Variants in GRAP2 observed in about 807,000 individuals in gnomAD.
The protein encoded by GRAP2 is GRB2-related adapter protein 2.
Under a neutral mutation model 43.5 loss-of-function variants are expected in GRAP2, and 31 were observed. The observed-to-expected ratio is 0.71, with a 90% CI of 0.54 to 0.96. The LOEUF is 0.96. Ranked by LOEUF, GRAP2 falls within the 40% of genes least tolerant of loss-of-function variation. GRAP2 has a pLI of 0.00. For missense variants in GRAP2, 371 were observed against 424.4 expected (o/e 0.87, Z 1.11); for synonymous variants, 156 against 164.8 (o/e 0.95, Z 0.41).
At chr22:39,955,996 C>G (rs1243707516) in intron 3 of GRAP2, 86 bp downstream of exon 3, 2 of 747,070 alleles carry the variant, frequency 2.7e-6, no homozygotes, top group East Asian at 5.3e-5. Context: ...TCCATGGGAA[C>G]CCAAGACATT....
At chr22:39,903,028 C>T (rs1014190504) in intron 1 of GRAP2, among the ~76,000 whole-genome samples, 1 of 152,164 alleles carries the variant, frequency 6.6e-6, no homozygotes, top group African/African-American at 2.4e-5. Context: ...TTTATTGATT[C>T]CCAGATAATA....
chr22:39,900,357 C>G (rs2066485742), upstream of GRAP2, among the ~76,000 whole-genome samples: 1 of 152,182 alleles, frequency 6.6e-6, no homozygotes, highest in Non-Finnish European at 1.5e-5. Flanking sequence ...CTGAATGGTG[C>G]CACTTAGCAA....
chr22:39,959,161 G>A (rs560897709), intron 3 of GRAP2, among the ~76,000 whole-genome samples: 1 of 152,194 alleles, frequency 6.6e-6, no homozygotes, highest in Non-Finnish European at 1.5e-5. Flanking sequence ...CACTCATTTT[G>A]CTTGTCTGTG....
At chr22:39,932,388 T>C (rs541490516) in intron 1 of GRAP2, among the ~76,000 whole-genome samples, 4 of 152,088 alleles carry the variant, frequency 2.6e-5, no homozygotes, top group Admixed American at 2.6e-4. Flanking sequence ...GTCTTAATAG[T>C]TGTTAGCTAT....
intron 6 of GRAP2, among the ~76,000 whole-genome samples, chr22:39,969,088 C>T (rs2067210081): frequency 6.6e-6 from 1 of 152,208 alleles, no homozygotes; most frequent in African/African-American, 2.4e-5. Context: ...TGCATGGTTC[C>T]CCCTCTAAAT....
At chr22:39,896,468 G>A (rs981051297), upstream of GRAP2, among the ~76,000 whole-genome samples, 3 of 152,192 alleles carry the variant, frequency 2.0e-5, no homozygotes, top group African/African-American at 7.2e-5. Context: ...AGTTTGGCAG[G>A]AAAGCTGGGG....
intron 1 of GRAP2, among the ~76,000 whole-genome samples, chr22:39,911,622 G>GA (rs965820388): frequency 2.0e-5 from 3 of 152,036 alleles, no homozygotes; most frequent in African/African-American, 7.3e-5. Flanking sequence ...CCTGAGAGCA[G>GA]TTTTTTTGTT....
chr22:39,947,972 T>C (rs912174829), intron 2 of GRAP2: 3 of 152,112 alleles, frequency 2.0e-5, no homozygotes, highest in Non-Finnish European at 4.4e-5. Flanking sequence ...GATAGCCTGA[T>C]CCCTGGTCCT....
At chr22:39,900,684 C>CT (rs372849850), upstream of GRAP2, among the ~76,000 whole-genome samples, 74 of 152,196 alleles carry the variant, frequency 4.9e-4, no homozygotes, top group African/African-American at 1.7e-3. Context: ...AATGTTTCTT[C>CT]TTTTTTTGTC....
In GRAP2 at chr22:39,965,859, C is replaced by T. The variant is rs575041912; in HGVS notation, c.291-131C>T. On this transcript the variant is annotated intron_variant, in intron 4 of 7. Coordinates refer to ENST00000344138, the MANE Select transcript of GRAP2 (RefSeq NM_004810.4). ...GCCTGACTGGGCTGGCCCACCTGCC[C>T]AGTGATGAGTGAGTCATCCATATCT... is the stretch of plus-strand genomic sequence containing the variant. 3.5e-5 allele frequency: 28 copies of T among 790,626 alleles called. No individual in the cohort carries two copies. The East Asian group carries it at 6.7e-4, about 19-fold the overall frequency. The allele number at this position is 790,626 out of a possible 1,614,324, so 49.0% of individuals were successfully genotyped here.
At chr22:39,909,444 A>G (rs1338393666) in intron 1 of GRAP2, among the ~76,000 whole-genome samples, 1 of 152,222 alleles carries the variant, frequency 6.6e-6, no homozygotes, top group Non-Finnish European at 1.5e-5. Context: ...TTATTTCATA[A>G]AGTGAAGGGT....
At chr22:39,894,583 C>T in the GRAP2 span, among the ~76,000 whole-genome samples, 3 of 152,204 alleles carry the variant, frequency 2.0e-5, no homozygotes, top group South Asian at 6.2e-4. Flanking sequence ...ATTGCCACCT[C>T]AAAGGACTGA....
intron 1 of GRAP2, among the ~76,000 whole-genome samples, chr22:39,914,702 G>A (rs1229054134): frequency 6.6e-6 from 1 of 152,066 alleles, no homozygotes; most frequent in Non-Finnish European, 1.5e-5. Flanking sequence ...ATGGTGTCCT[G>A]GTTGTTTTTG....
chr22:39,956,936 C>T (rs909448189), intron 3 of GRAP2, among the ~76,000 whole-genome samples: 3 of 152,148 alleles, frequency 2.0e-5, no homozygotes, highest in African/African-American at 7.2e-5. Flanking sequence ...CCTCACCAGG[C>T]TCTCACCCTT....
intron 1 of GRAP2, among the ~76,000 whole-genome samples, chr22:39,910,440 G>C (rs950992454): frequency 6.6e-6 from 1 of 150,686 alleles, no homozygotes; most frequent in Non-Finnish European, 1.5e-5. Flanking sequence ...ACCAAGTCTC[G>C]CTCTGTCGCC....
intron 1 of GRAP2, among the ~76,000 whole-genome samples, chr22:39,919,689 C>T (rs994324044): frequency 6.6e-6 from 1 of 152,164 alleles, no homozygotes; most frequent in Non-Finnish European, 1.5e-5. Flanking sequence ...AACAGATAGC[C>T]ATAGAAGTAC....
intron 2 of GRAP2, among the ~76,000 whole-genome samples, chr22:39,950,281 C>G (rs966537769): frequency 6.6e-6 from 1 of 152,240 alleles, no homozygotes; most frequent in East Asian, 1.9e-4. Context: ...ATAAACTTCA[C>G]TCATTTCCAG....
chr22:39,934,082 A>C (rs2066783141), intron 1 of GRAP2, among the ~76,000 whole-genome samples: 2 of 152,190 alleles, frequency 1.3e-5, no homozygotes, highest in Non-Finnish European at 2.9e-5. Context: ...GCATCTCCCC[A>C]AATATGGCCC....
chr22:39,904,371 G>C (rs2066510624), intron 1 of GRAP2, among the ~76,000 whole-genome samples: 1 of 152,326 alleles, frequency 6.6e-6, no homozygotes, highest in Non-Finnish European at 1.5e-5. Context: ...CTGGTCGACA[G>C]AGCAAGATCC....
Sources: allele counts gnomAD v4.1 joint callset (sites outside exome capture counted in the v4.1 genomes callset), GRCh38; gene constraint gnomAD v4.1.1; transcripts MANE v1.5; gene names NCBI Gene and HGNC (gene_info 2026-07-23, HGNC 2026-07-21).